The following CCDC60 variants were observed in gnomAD, a reference collection of about 807,000 sequenced individuals.
The protein encoded by CCDC60 is coiled-coil domain-containing protein 60.
Under a neutral mutation model 63.5 loss-of-function variants are expected in CCDC60, and 54 were observed. The observed-to-expected ratio is 0.85, with a 90% confidence interval of 0.68 to 1.07. The LOEUF is 1.07. Among genes scored for constraint, CCDC60 ranks in the 50% least tolerant of loss-of-function variants. The probability of loss-of-function intolerance (pLI) is 0.00; values close to 1 mark genes in which losing one functional copy is unlikely to be tolerated. For missense variants in CCDC60, 651 were observed against 684.3 expected (o/e 0.95, Z 0.54); for synonymous variants, 206 against 238.8 (o/e 0.86, Z 1.27).
chr12:119,490,378 A>G (rs1014221262), intron 5 of CCDC60, among the ~76,000 whole-genome samples: 1 of 152,156 alleles, frequency 6.6e-6, no homozygotes, highest in Non-Finnish European at 1.5e-5. Context: ...AACCTCTGTA[A>G]TGTAAAACAG....
chr12:119,419,623 CAG>C (rs1207025278), intron 1 of CCDC60, among the ~76,000 whole-genome samples: 3 of 152,154 alleles, frequency 2.0e-5, no homozygotes, highest in East Asian at 3.9e-4. Context: ...TCAGCAATGA[CAG>C]AAAGAATGCA....
chr12:119,450,865 A>AG, intron 2 of CCDC60, among the ~76,000 whole-genome samples: 1 of 87,816 alleles, frequency 1.1e-5, no homozygotes, highest in South Asian at 6.1e-4. Context: ...TCAAAAAAAA[A>AG]AAAAGAGAGA....
intron 7 of CCDC60, among the ~76,000 whole-genome samples, chr12:119,505,689 C>T (rs1003746315): frequency 6.6e-6 from 1 of 152,200 alleles, no homozygotes; most frequent in Non-Finnish European, 1.5e-5. Context: ...AACCCTGTCT[C>T]TACTGCAAAT....
chr12:119,533,533 A>G (rs1468143229), intron 13 of CCDC60, among the ~76,000 whole-genome samples: 1 of 152,190 alleles, frequency 6.6e-6, no homozygotes, highest in Non-Finnish European at 1.5e-5. Flanking sequence ...GTTTTCTTCT[A>G]GGGTTTTTAT....
At chr12:119,351,146 CT>C (rs370753550) in intron 1 of CCDC60, among the ~76,000 whole-genome samples, 12 of 152,202 alleles carry the variant, frequency 7.9e-5, no homozygotes, top group African/African-American at 2.4e-4. Context: ...ATCCTCTTCC[CT>C]TTGGGGTCAG....
At chr12:119,519,442 T>G (rs28522903) in intron 8 of CCDC60, among the ~76,000 whole-genome samples, 1 of 134,398 alleles carries the variant, frequency 7.4e-6, no homozygotes, top group African/African-American at 2.9e-5. Context: ...TGTGCGCGTG[T>G]GTGTGTGTGT....
At chr12:119,496,534 C>G (rs1239691612) in intron 5 of CCDC60, among the ~76,000 whole-genome samples, 1 of 152,194 alleles carries the variant, frequency 6.6e-6, no homozygotes, top group East Asian at 1.9e-4. Context: ...AGCTCCTCCT[C>G]TAAGCCACAG....
chr12:119,388,556 A>G (rs893525282), intron 1 of CCDC60, among the ~76,000 whole-genome samples: 21 of 152,164 alleles, frequency 1.4e-4, no homozygotes, highest in African/African-American at 4.6e-4. Flanking sequence ...CTATATATTC[A>G]TTGTTTATTT....
At chr12:119,376,435 C>T (rs570878283) in intron 1 of CCDC60, among the ~76,000 whole-genome samples, 74 of 152,182 alleles carry the variant, frequency 4.9e-4, no homozygotes, top group African/African-American at 1.7e-3. Flanking sequence ...TGAAACCAGC[C>T]TGGGAAACAT....
chr12:119,374,402 T>A (rs1955930181), intron 1 of CCDC60, among the ~76,000 whole-genome samples: 1 of 152,230 alleles, frequency 6.6e-6, no homozygotes, highest in Admixed American at 6.5e-5. Flanking sequence ...TTAACTGACT[T>A]GCTCAACTTC....
At chr12:119,500,713 G>A (rs1415476379) in intron 6 of CCDC60, among the ~76,000 whole-genome samples, 1 of 152,108 alleles carries the variant, frequency 6.6e-6, no homozygotes, top group Non-Finnish European at 1.5e-5. Flanking sequence ...AATTAGCTGG[G>A]CATAGTGGTG....
At chr12:119,360,102 A>G (rs1955760826) in intron 1 of CCDC60, among the ~76,000 whole-genome samples, 1 of 148,796 alleles carries the variant, frequency 6.7e-6, no homozygotes, top group South Asian at 2.2e-4. Context: ...ACTTCCCAGT[A>G]GGGGCGGCCG....
intron 7 of CCDC60, among the ~76,000 whole-genome samples, chr12:119,507,808 G>A (rs947061323): frequency 3.3e-5 from 5 of 150,980 alleles, no homozygotes; most frequent in African/African-American, 4.9e-5. Context: ...ACTGTGCACC[G>A]AAAACTGAGT....
intron 8 of CCDC60, among the ~76,000 whole-genome samples, chr12:119,518,631 G>C (rs2136481053): frequency 6.6e-6 from 1 of 152,244 alleles, no homozygotes; most frequent in East Asian, 1.9e-4. Flanking sequence ...AACATTTTAA[G>C]CACTTAATCA....
intron 2 of CCDC60, among the ~76,000 whole-genome samples, chr12:119,444,659 C>G (rs145126713): frequency 1.3e-5 from 2 of 152,334 alleles, no homozygotes; most frequent in Admixed American, 6.5e-5. Context: ...TGGCGCTGTA[C>G]AAAAACAGGT....
At chr12:119,523,025 G>C in intron 10 of CCDC60, 24 bp downstream of exon 10, 1 of 1,607,750 alleles carries the variant, frequency 6.2e-7, no homozygotes, top group South Asian at 1.1e-5. Flanking sequence ...GCAATGGAAG[G>C]AACCACGCAA....
chr12:119,352,714 A>G (rs1015217227), intron 1 of CCDC60, among the ~76,000 whole-genome samples: 25 of 152,138 alleles, frequency 1.6e-4, no homozygotes, highest in African/African-American at 5.8e-4. Flanking sequence ...AAACAGGTGG[A>G]TCACTGAAGG....
chr12:119,425,016 GA>G (rs11356472), intron 1 of CCDC60, among the ~76,000 whole-genome samples: 63,380 of 149,924 alleles, frequency 0.42, 13,392 homozygotes, highest in South Asian at 0.65. Context: ...GGTGACATTT[GA>G]AAAAAAAAAT....
intron 7 of CCDC60, among the ~76,000 whole-genome samples, chr12:119,512,560 G>T (rs778059026): frequency 3.9e-5 from 6 of 152,186 alleles, no homozygotes; most frequent in Non-Finnish European, 5.9e-5. Flanking sequence ...AGGTGCAATG[G>T]ATGGAGATGG....
Sources: allele counts gnomAD v4.1 joint callset (sites outside exome capture counted in the v4.1 genomes callset), GRCh38; gene constraint gnomAD v4.1.1; transcripts MANE v1.5; gene names NCBI Gene and HGNC (gene_info 2026-07-23, HGNC 2026-07-21).